Variants in ATP2B2 observed in about 807,000 individuals in gnomAD.
ATP2B2 encodes the protein plasma membrane calcium-transporting ATPase 2.
Under a neutral mutation model 120.0 loss-of-function variants are expected in ATP2B2, and 15 were observed. That is an observed-to-expected ratio of 0.12 (90% CI 0.08 to 0.19). The LOEUF is 0.19. ATP2B2 is among the 10% of genes least tolerant of loss of function. The pLI, the probability that ATP2B2 is intolerant of heterozygous loss-of-function variation, is 1.00. For synonymous variants in ATP2B2, 694 were observed against 700.3 expected (o/e 0.99, Z 0.14); for missense variants, 1,045 against 1,719.8 (o/e 0.61, Z 6.94).
intron 22 of ATP2B2, chr3:10,336,268 G>C: frequency 6.4e-7 from 1 of 1,550,626 alleles, no homozygotes; most frequent in Non-Finnish European, 8.7e-7. Flanking sequence ...CCTGAAAGGA[G>C]GCCCCGCTCT....
At chr3:10,487,613 T>C (rs1306706915) in intron 1 of ATP2B2, among the ~76,000 whole-genome samples, 1 of 152,214 alleles carries the variant, frequency 6.6e-6, no homozygotes, top group Non-Finnish European at 1.5e-5. Flanking sequence ...ATTCACATCA[T>C]GTCCCCAGTG....
At position 10,661,768 on chromosome 3, in the gene ATP2B2, C is replaced by T. The variant is rs1430788808; in HGVS notation, c.-459-41807G>A. Among the ~76,000 whole-genome samples, 3 of 152,112 alleles carry T rather than the reference C, an allele frequency of 2.0e-5. No homozygotes were observed. In the East Asian group the frequency reaches 5.8e-4, roughly 29 times the overall value. On this transcript the variant is annotated intron_variant, in intron 1 of 21. Transcript: ENST00000646379. ...AAACTACTTTAAAGTTCATGTGGAA[C>T]CAAAAAAGAACCTGCTTTGCCAAGT...
chr3:10,656,398 A>G lies in ATP2B2; in HGVS notation c.-459-36437T>C, dbSNP rs185028520. ...TCCCAGAGCACTCTGCAGATGTTGTATCTTTCCTTCCTTTCCCCTCAGGAA... is the reference window on the plus strand; with the variant it reads ...TCCCAGAGCACTCTGCAGATGTTGTGTCTTTCCTTCCTTTCCCCTCAGGAA... On this transcript the variant is annotated intron_variant, in intron 1 of 21. Coordinates refer to the ATP2B2 transcript ENST00000646379. 7.2e-4 allele frequency among the ~76,000 whole-genome samples: 109 copies of G among 152,300 alleles called. 1 individual carries two copies. In the Middle Eastern group the frequency reaches 0.01, roughly 14 times the overall value.
intron 1 of ATP2B2, among the ~76,000 whole-genome samples, chr3:10,640,461 C>G (rs962524210): frequency 6.6e-6 from 1 of 152,180 alleles, no homozygotes; most frequent in Non-Finnish European, 1.5e-5. Flanking sequence ...AAGGCACTGG[C>G]TTGGGAACTC....
intron 2 of ATP2B2, among the ~76,000 whole-genome samples, chr3:10,548,535 T>C (rs538401844): frequency 2.6e-5 from 4 of 152,326 alleles, no homozygotes; most frequent in East Asian, 1.9e-4. Flanking sequence ...GGTGTATAGA[T>C]AGTGTATAGC....
intron 2 of ATP2B2, among the ~76,000 whole-genome samples, chr3:10,563,697 C>T (rs2067951956): frequency 6.6e-6 from 1 of 152,244 alleles, no homozygotes; most frequent in African/African-American, 2.4e-5. Flanking sequence ...GCAGCCCAGG[C>T]TTCTGAAAGA....
At chr3:10,381,507 C>A (rs968915237) in intron 8 of ATP2B2, among the ~76,000 whole-genome samples, 1 of 152,102 alleles carries the variant, frequency 6.6e-6, no homozygotes, top group Non-Finnish European at 1.5e-5. Context: ...AGAGTGAACA[C>A]GTGATCAGAA....
chr3:10,692,469 G>A (rs531877666), intron 1 of ATP2B2, among the ~76,000 whole-genome samples: 4 of 152,310 alleles, frequency 2.6e-5, no homozygotes, highest in South Asian at 4.2e-4. Context: ...TCGAGGTCAC[G>A]ATCACAGTAG....
intron 2 of ATP2B2, among the ~76,000 whole-genome samples, chr3:10,429,161 C>T (rs1257530461): frequency 5.3e-5 from 8 of 152,164 alleles, no homozygotes; most frequent in South Asian, 2.1e-4. Context: ...CCTCTGTCTC[C>T]GGATCCCAGG....
intron 2 of ATP2B2, among the ~76,000 whole-genome samples, chr3:10,448,035 T>C (rs527603230): frequency 2.0e-5 from 3 of 152,194 alleles, no homozygotes; most frequent in Non-Finnish European, 2.9e-5. Flanking sequence ...TAGTGGAGTG[T>C]AGGCACATGT....
intron 2 of ATP2B2, among the ~76,000 whole-genome samples, chr3:10,418,306 T>A (rs952859501): frequency 6.6e-6 from 1 of 152,220 alleles, no homozygotes; most frequent in African/African-American, 2.4e-5. Context: ...CATGGTTAAT[T>A]AATCAGAATA....
In ATP2B2 at chr3:10,645,060, A is replaced by G. The variant is rs139254392; in HGVS notation, c.-459-25099T>C. On this transcript the variant is annotated intron_variant, in intron 1 of 21. Transcript: ENST00000646379. ...TATGTTGAATGCAAGTTATTCTCAA[A>G]TGGTTTAGGAAAAAAATACTACGTA... 6.7e-3 allele frequency among the ~76,000 whole-genome samples: 1,019 copies of G among 152,268 alleles called. 13 individuals carry two copies. The highest frequency in any genetic ancestry group is 0.023 in the African/African-American group (959 of 41,558).
intron 2 of ATP2B2, among the ~76,000 whole-genome samples, chr3:10,429,582 G>A (rs540597524): frequency 1.2e-4 from 19 of 152,082 alleles, no homozygotes; most frequent in Non-Finnish European, 2.4e-4. Flanking sequence ...TCCACTAACC[G>A]GCTGTTCCCT....
At chr3:10,399,580 C>G (rs747573441) in intron 5 of ATP2B2, among the ~76,000 whole-genome samples, 3 of 152,350 alleles carry the variant, frequency 2.0e-5, no homozygotes, top group Middle Eastern at 3.4e-3. Context: ...AGCTCCAGGA[C>G]AGCAGGGACC....
rs761655136 is a variant in ATP2B2, at chr3:10,346,169, G to T, written c.2405-32C>A. ...GGGCAGGAGTGTGCTCAGGCCCTGG[G>T]CCACTCAGGTGGGAGGCAGCCTGGG... is the stretch of plus-strand genomic sequence containing the variant. On this transcript the variant is annotated intron_variant, in intron 16 of 22. Coordinates refer to ENST00000360273, the MANE Select transcript of ATP2B2 (RefSeq NM_001001331.4). This position sits in a 1 kb window ranked among gnomAD's most constrained non-coding sequence, Gnocchi z 4.1. 8 of 1,602,572 alleles carry T rather than the reference G, an allele frequency of 5.0e-6. No homozygotes were observed. The East Asian group carries it at 1.8e-4, about 36-fold the overall frequency.
At chr3:10,613,279 T>G (rs2069290964) in intron 2 of ATP2B2, among the ~76,000 whole-genome samples, 1 of 152,152 alleles carries the variant, frequency 6.6e-6, no homozygotes, top group Admixed American at 6.5e-5. Flanking sequence ...GGTCCTGATT[T>G]GTATCCTTCA....
intron 14 of ATP2B2, among the ~76,000 whole-genome samples, chr3:10,353,350 T>A (rs2060628860): frequency 6.6e-6 from 1 of 152,140 alleles, no homozygotes; most frequent in Non-Finnish European, 1.5e-5. Context: ...GGGGAGGGGA[T>A]GTTTGAGCTG....
At chr3:10,410,437 G>A (rs554995352) in intron 3 of ATP2B2, among the ~76,000 whole-genome samples, 181 bp downstream of exon 3, 84 of 152,358 alleles carry the variant, frequency 5.5e-4, no homozygotes, top group African/African-American at 1.3e-3. Flanking sequence ...CAGGGAAAAC[G>A]GGGCTGAGGC....
At chr3:10,356,828 T>C (rs2060745642) in intron 14 of ATP2B2, among the ~76,000 whole-genome samples, 2 of 152,140 alleles carry the variant, frequency 1.3e-5, no homozygotes, top group Non-Finnish European at 1.5e-5. Flanking sequence ...TGTCTGTCCA[T>C]GGAGAGAGAG....
Sources: allele counts gnomAD v4.1 joint callset (sites outside exome capture counted in the v4.1 genomes callset), GRCh38; gene constraint gnomAD v4.1.1; non-coding constraint Gnocchi (gnomAD v3.1); transcripts MANE v1.5; gene names NCBI Gene and HGNC (gene_info 2026-07-23, HGNC 2026-07-21).